SLC10A5: variants seen among roughly 807,000 people sequenced by gnomAD.
The protein encoded by SLC10A5 is sodium/bile acid cotransporter 5.
For synonymous variants in SLC10A5, 181 were observed against 183.7 expected, an observed-to-expected ratio of 0.99 and a Z score of 0.12; for missense variants, 475 against 500.7, an observed-to-expected ratio of 0.95 and a Z score of 0.49.
Position 81,694,317 on chromosome 8 carries a change from C to A in SLC10A5, c.656G>T (p.Gly219Val). Residue 219 changes from glycine (G) to valine (V), a missense_variant, in exon 1 of 1, where the codon GGT (glycine) becomes GTT (valine). Gly to Val is a moderately radical substitution (Grantham distance 109). Transcript: ENST00000518568. ...VVMTCTCPGG[G>V]GGYLFALLLD... is the part of the protein sequence containing the mutation. ...AAGCAGAGCAAAGAGATAGCCCCCA[C>A]CCCCTCCTGGGCACGTGCAGGTCAT... 1 of 1,613,728 alleles carries A rather than the reference C, an allele frequency of 6.2e-7. No individual in the cohort carries two copies. Among genetic ancestry groups the A allele is most frequent in the South Asian group, 1.1e-5 (1 of 91,062 alleles).
chr8:81,694,569 G>T lies in SLC10A5; in HGVS notation c.404C>A (p.Ala135Glu). Residue 135 changes from alanine to glutamate, a missense_variant, in exon 1 of 1, where the codon GCA becomes GAA. Coordinates refer to ENST00000518568, the MANE Select transcript of SLC10A5 (RefSeq NM_001010893.3). ...GATATTTCTATCAATATGCATTGGT[G>T]CCTGGAGTAGACTGTCTTTTTGTTT... ...VLKQKDSLLQAPMHIDRNILM... is the reference protein window; with the variant it reads ...VLKQKDSLLQEPMHIDRNILM... The T allele has an allele frequency of 6.2e-7, 1 of 1,614,130 alleles. No individual in the cohort carries two copies. Among genetic ancestry groups the T allele is most frequent in the South Asian group, 1.1e-5 (1 of 91,076 alleles).
chr8:81,694,331 C>T lies in SLC10A5; in HGVS notation c.642G>A (p.Thr214=), dbSNP rs1328908455. The change falls in exon 1 of 1, where the codon ACG becomes ACA. Residue 214 remains threonine (T), a synonymous_variant. Transcript: ENST00000518568. The part of the protein sequence containing the change: ...AQAFGVVMTC[T]CPGGGGGYLF... ...GATAGCCCCCACCCCCTCCTGGGCA[C>T]GTGCAGGTCATTACAACTCCAAAAG... The T allele has an allele frequency of 3.1e-6, 5 of 1,613,674 alleles. No individual in the cohort carries two copies. Among genetic ancestry groups the T allele is most frequent in the South Asian group, 2.2e-5 (2 of 91,080 alleles).
Position 81,694,401 on chromosome 8 carries a change from C to CA in SLC10A5, c.571dup (p.Cys191LeufsTer13), listed in dbSNP as rs764873118. 6.2e-7 allele frequency: 1 copy of CA among 1,614,076 alleles called. No individual in the cohort carries two copies. The highest frequency in any genetic ancestry group is 1.1e-5 in the South Asian group (1 of 91,078). ...CACAATCTGAGACAAAAGAAACCCG[C>CA]AAAATGGCATCAGAAAAAACTGTGT... On this transcript the variant is annotated frameshift_variant, in exon 1 of 1. Transcript: ENST00000518568. LOFTEE classifies it low-confidence loss of function (END_TRUNC).
chr8:81,694,981 C>T lies in SLC10A5; in HGVS notation c.-9G>A. On this transcript the variant is annotated 5_prime_UTR_variant, in exon 1 of 1. Coordinates refer to ENST00000518568, the MANE Select transcript of SLC10A5 (RefSeq NM_001010893.3). The stretch of plus-strand genomic sequence containing the variant: ...AAAAGTTTTCTAATCATTTTGAAAG[C>T]TGAAATAAATCATATATGCAAAATC... 1.3e-6 allele frequency: 2 copies of T among 1,532,876 alleles called. No individual in the cohort carries two copies. The allele number at this position is 1,532,876 out of a possible 1,614,324, so 95.0% of individuals were successfully genotyped here.
In SLC10A5 at chr8:81,694,516, A is replaced by G. The variant is rs747096189; in HGVS notation, c.457T>C (p.Leu153=). The G allele has an allele frequency of 3.1e-5, 50 of 1,614,100 alleles. No individual in the cohort carries two copies. The highest frequency in any genetic ancestry group is 4.2e-5 in the Non-Finnish European group (49 of 1,180,056). The change falls in exon 1 of 1, where the codon TTG becomes CTG. Residue 153 remains leucine (L), a synonymous_variant. Coordinates refer to ENST00000518568, the MANE Select transcript of SLC10A5 (RefSeq NM_001010893.3). The part of the protein sequence containing the change: ...ILMLILPLIL[L]NKCAFGCKIE... ...TTACAACCAAATGCACACTTATTCA[A>G]TAGTATTAGTGGTAAAATAAGCATT...
rs775124037 is a variant in SLC10A5, at chr8:81,693,693, A to G, written c.1280T>C (p.Phe427Ser). 1 of 1,592,622 alleles carries G rather than the reference A, an allele frequency of 6.3e-7. No individual in the cohort carries two copies. Among genetic ancestry groups the G allele is most frequent in the Non-Finnish European group, 8.5e-7 (1 of 1,173,734 alleles). ...VYKAKKRCIF[F>S]LQDKRKRNFL... Reference sequence around the variant, plus strand: ...ATTTCTTTTCCTTTTATCTTGTAAGAAAAAGATACATCTTTTCTTAGCCTT... The same window carrying G: ...ATTTCTTTTCCTTTTATCTTGTAAGGAAAAGATACATCTTTTCTTAGCCTT... Residue 427 changes from phenylalanine to serine, a missense_variant, in exon 1 of 1, where the codon TTC becomes TCC. Coordinates refer to ENST00000518568, the MANE Select transcript of SLC10A5 (RefSeq NM_001010893.3).
rs1329337363 is a variant in SLC10A5 at position 81,694,646 on chromosome 8, A to G, written c.327T>C (p.Gly109=). 2 of 1,613,964 alleles carry G rather than the reference A, an allele frequency of 1.2e-6. No homozygotes were observed. Among genetic ancestry groups the G allele is most frequent in the African/African-American group, 1.3e-5 (1 of 75,036 alleles). Residue 109 remains glycine, a synonymous_variant, in exon 1 of 1, where the codon GGT becomes GGC. Transcript: ENST00000518568. ...TTTCTTCAATGAGTCTTTCTTGCCTACCTTCAGAATCCCAGAGTTGAATAG... is the reference window on the plus strand; with the variant it reads ...TTTCTTCAATGAGTCTTTCTTGCCTGCCTTCAGAATCCCAGAGTTGAATAG... ...NVTIQLWDSE[G]RQERLIEEIK...
rs772455869 is a variant in SLC10A5 at position 81,694,011 on chromosome 8, G to A, written c.962C>T (p.Thr321Ile). 2 of 1,613,786 alleles carry A rather than the reference G, an allele frequency of 1.2e-6. No individual in the cohort carries two copies. Among genetic ancestry groups the A allele is most frequent in the Admixed American group, 3.3e-5 (2 of 60,004 alleles). The change falls in exon 1 of 1, where the codon ACT (threonine) becomes ATT (isoleucine). Residue 321 changes from threonine to isoleucine, a missense_variant. Physicochemically the swap from Thr to Ile is moderately conservative, Grantham distance 89. Transcript: ENST00000518568. ...TAAGAACACTAATCCCACTGTGAAAGTCAAATAAATTCCTACGAACATTAA... is the reference window on the plus strand; with the variant it reads ...TAAGAACACTAATCCCACTGTGAAAATCAAATAAATTCCTACGAACATTAA... The part of the protein sequence containing the change: ...FILMFVGIYL[T>I]FTVGLVFLKT...
chr8:81,694,774 G>T lies in SLC10A5; in HGVS notation c.199C>A (p.Pro67Thr), dbSNP rs757902331. 2.5e-6 allele frequency: 4 copies of T among 1,613,842 alleles called. No homozygotes were observed. Among genetic ancestry groups the T allele is most frequent in the Non-Finnish European group, 2.5e-6 (3 of 1,179,976 alleles). ...ACATTCACCATTTGTAGTATTTTAGGATCTTCTATTTTCACAAAGAGGTGG... is the reference window on the plus strand; with the variant it reads ...ACATTCACCATTTGTAGTATTTTAGTATCTTCTATTTTCACAAAGAGGTGG... ...SSHLFVKIED[P>T]KILQMVNVAK... The change falls in exon 1 of 1, where the codon CCT (proline) becomes ACT (threonine). Residue 67 changes from proline (P) to threonine (T), a missense_variant. By Grantham distance (38) the Pro-to-Thr change is conservative. Transcript: ENST00000518568.
Position 81,694,901 on chromosome 8 carries a change from G to T in SLC10A5, c.72C>A (p.Leu24=), listed in dbSNP as rs747806673. The change falls in exon 1 of 1, where the codon CTC becomes CTA. Residue 24 remains leucine (L), a synonymous_variant. Transcript: ENST00000518568. ...CAGTCTTCTCTATATTCAGAAAACT[G>T]AGCGATGACATCCTTGCTTCTTCTA... The part of the protein sequence containing the change: ...VTIEEARMSS[L]SFLNIEKTEI... 3 of 1,606,892 alleles carry T rather than the reference G, an allele frequency of 1.9e-6. No homozygotes were observed. The highest frequency in any genetic ancestry group is 2.5e-6 in the Non-Finnish European group (3 of 1,178,558).
rs761868479 is a variant in SLC10A5 at position 81,694,350 on chromosome 8, C to T, written c.623G>A (p.Gly208Glu). Residue 208 changes from glycine (G) to glutamate (E), a missense_variant, in exon 1 of 1, where the codon GGA becomes GAA. Transcript: ENST00000518568. Reference protein sequence around the residue: ...IVALPEAQAFGVVMTCTCPGG... With the variant: ...IVALPEAQAFEVVMTCTCPGG... Reference sequence around the variant, plus strand: ...TGGGCACGTGCAGGTCATTACAACTCCAAAAGCTTGCGCCTCAGGCAATGC... The same window carrying T: ...TGGGCACGTGCAGGTCATTACAACTTCAAAAGCTTGCGCCTCAGGCAATGC... 1 of 1,613,760 alleles carries T rather than the reference C, an allele frequency of 6.2e-7. No individual in the cohort carries two copies. Among genetic ancestry groups the T allele is most frequent in the Non-Finnish European group, 8.5e-7 (1 of 1,179,986 alleles).
Position 81,693,798 on chromosome 8 carries a change from T to G in SLC10A5, c.1175A>C (p.Lys392Thr). ...AVIQLSFPQS[K>T]ANLASVAPFT... ...AGGAGCCACAGAAGCTAAATTGGCC[T>G]TGGACTGTGGAAAAGACAGCTGAAT... The change falls in exon 1 of 1, where the codon AAG becomes ACG. Residue 392 changes from lysine (K) to threonine (T), a missense_variant. Transcript: ENST00000518568. 1 of 1,614,090 alleles carries G rather than the reference T, an allele frequency of 6.2e-7. No individual in the cohort carries two copies. The highest frequency in any genetic ancestry group is 8.5e-7 in the Non-Finnish European group (1 of 1,180,012).
rs1462772266 is a variant in SLC10A5, at chr8:81,693,683, A to G, written c.1290T>C (p.Asp430=). Residue 430 remains aspartate (D), a synonymous_variant, in exon 1 of 1, where the codon GAT becomes GAC. Coordinates refer to ENST00000518568, the MANE Select transcript of SLC10A5 (RefSeq NM_001010893.3). The stretch of plus-strand genomic sequence containing the variant: ...AGATTAGGAAATTTCTTTTCCTTTT[A>G]TCTTGTAAGAAAAAGATACATCTTT... ...AKKRCIFFLQ[D]KRKRNFLI is the part of the protein sequence containing the mutation. The G allele has an allele frequency of 6.9e-6, 11 of 1,592,010 alleles. No homozygotes were observed. The highest frequency in any genetic ancestry group is 8.5e-6 in the Non-Finnish European group (10 of 1,173,104).
Position 81,693,968 on chromosome 8 carries a change from C to T in SLC10A5, c.1005G>A (p.Glu335=), listed in dbSNP as rs1437646640. Residue 335 remains glutamate (E), a synonymous_variant, in exon 1 of 1, where the codon GAG becomes GAA. Coordinates refer to ENST00000518568, the MANE Select transcript of SLC10A5 (RefSeq NM_001010893.3). ...GLVFLKTDNL[E]VILLGLLVPA... ...GAACTAAGAGACCCAACAGAATCAC[C>T]TCTAGATTATCTGTTTTTAAGAACA... 5 of 1,613,954 alleles carry T rather than the reference C, an allele frequency of 3.1e-6. No homozygotes were observed. Among genetic ancestry groups the T allele is most frequent in the Middle Eastern group, 1.6e-4 (1 of 6,062 alleles).
In SLC10A5 at chr8:81,694,181, T is replaced by C. The variant is rs6995098; in HGVS notation, c.792A>G (p.Ser264=). 0.037 allele frequency: 59,569 copies of C among 1,614,060 alleles called. 1,613 individuals carry two copies. Among genetic ancestry groups the C allele is most frequent in the African/African-American group, 0.11 (8,422 of 75,002 alleles). The change falls in exon 1 of 1, where the codon TCA becomes TCG. Residue 264 remains serine, a synonymous_variant. Coordinates refer to ENST00000518568, the MANE Select transcript of SLC10A5 (RefSeq NM_001010893.3). ...TAGAAACAGGAATATGGAATGTACC[T>C]GACAACCCTAATATCCTACTGTATA... ...SYIYSRILGL[S]GTFHIPVSKI...
rs769738355 is a variant in SLC10A5 at position 81,694,434 on chromosome 8, C to T, written c.539G>A (p.Gly180Glu). 3 of 1,614,092 alleles carry T rather than the reference C, an allele frequency of 1.9e-6. No homozygotes were observed. The South Asian group carries it at 3.3e-5, about 18-fold the overall frequency. Residue 180 changes from glycine (G) to glutamate (E), a missense_variant, in exon 1 of 1, where the codon GGG (glycine) becomes GAG (glutamate). Transcript: ENST00000518568. ...CATCAGAAAAAACTGTGTAACTGCCCCAAGAATTACTGGCAAAGGTCTCTT... is the reference window on the plus strand; with the variant it reads ...CATCAGAAAAAACTGTGTAACTGCCTCAAGAATTACTGGCAAAGGTCTCTT... ...VWKRPLPVILGAVTQFFLMPF... is the reference protein window; with the variant it reads ...VWKRPLPVILEAVTQFFLMPF...
rs1807691881 is a variant in SLC10A5 at position 81,694,306 on chromosome 8, G to A, written c.667C>T (p.Leu223Phe). The change falls in exon 1 of 1, where the codon CTC becomes TTC. Residue 223 changes from leucine (L) to phenylalanine (F), a missense_variant. Coordinates refer to ENST00000518568, the MANE Select transcript of SLC10A5 (RefSeq NM_001010893.3). ...CTCPGGGGGY[L>F]FALLLDGDFT... ...TCTCCATCTAGAAGCAGAGCAAAGA[G>A]ATAGCCCCCACCCCCTCCTGGGCAC... is the stretch of plus-strand genomic sequence containing the variant. The A allele has an allele frequency of 6.2e-7, 1 of 1,614,070 alleles. No homozygotes were observed. Among genetic ancestry groups the A allele is most frequent in the Non-Finnish European group, 8.5e-7 (1 of 1,180,014 alleles).
In SLC10A5 at chr8:81,694,584, T is replaced by C. The variant is rs771767015; in HGVS notation, c.389A>G (p.Asp130Gly). The C allele has an allele frequency of 3.7e-6, 6 of 1,613,962 alleles. No homozygotes were observed. Among genetic ancestry groups the C allele is most frequent in the Non-Finnish European group, 5.1e-6 (6 of 1,180,046 alleles). Residue 130 changes from aspartate (D) to glycine (G), a missense_variant, in exon 1 of 1, where the codon GAC (aspartate) becomes GGC (glycine). Transcript: ENST00000518568. ...NVKVKVLKQK[D>G]SLLQAPMHID... Reference sequence around the variant, plus strand: ...ATGCATTGGTGCCTGGAGTAGACTGTCTTTTTGTTTGAGCACTTTGACTTT... The same window carrying C: ...ATGCATTGGTGCCTGGAGTAGACTGCCTTTTTGTTTGAGCACTTTGACTTT...
At position 81,693,761 on chromosome 8, in the gene SLC10A5, G is replaced by A; in HGVS notation, c.1212C>T (p.Ala404=). Residue 404 remains alanine, a synonymous_variant, in exon 1 of 1, where the codon GCC becomes GCT. Transcript: ENST00000518568. The part of the protein sequence containing the change: ...NLASVAPFTV[A]MCSGCEMLLI... ...GTAACATTTCACATCCAGAACACAT[G>A]GCTACTGTAAAAGGAGCCACAGAAG... 6.2e-7 allele frequency: 1 copy of A among 1,614,042 alleles called. No homozygotes were observed. The highest frequency in any genetic ancestry group is 1.1e-5 in the South Asian group (1 of 91,068).
Sources: gnomAD v4.1 joint callset for allele counts on GRCh38, gnomAD v4.1.1 for gene constraint, MANE v1.5 for transcripts, NCBI Gene and HGNC (gene_info 2026-07-23, HGNC 2026-07-21) for gene names.